The following DALRD3 variants were observed in gnomAD, a reference collection of about 807,000 sequenced individuals.
DALRD3 encodes the protein DALR anticodon binding domain containing 3, also known as DALR anticodon-binding domain-containing protein 3.
Under a neutral mutation model 56.7 loss-of-function variants are expected in DALRD3, and 47 were observed. The observed-to-expected ratio is 0.83, with a 90% CI of 0.66 to 1.06. The LOEUF (loss-of-function observed/expected upper bound fraction) is 1.06, where lower values mean the gene tolerates loss of function less well. Among genes scored for constraint, DALRD3 ranks in the 50% least tolerant of loss-of-function variants. The pLI is 0.00. For missense variants in DALRD3, 787 were observed against 724.0 expected (o/e 1.09, Z -1.00); for synonymous variants, 347 against 308.5 (o/e 1.12, Z -1.31).
chr3:49,018,640 G>A (rs2093123748), upstream of DALRD3: 1 of 1,452,534 alleles, frequency 6.9e-7, no homozygotes. Flanking sequence ...GACTAGCTGG[G>A]GCGGGGATGC....
rs779421726 is a variant in DALRD3, at chr3:49,017,283, T to G, written c.872A>C (p.Gln291Pro). The change falls in exon 5 of 12, where the codon CAA becomes CCA. Residue 291 changes from glutamine to proline, a missense_variant. Coordinates refer to ENST00000341949, the MANE Select transcript of DALRD3 (RefSeq NM_001009996.3). ...HVVSCEEEFQ[Q>P]QKLDLLWQKL... is the part of the protein sequence containing the mutation. ...CTGCCAAAGCAGGTCCAACTTCTGT[T>G]GCTGGAACTCCTCCTCACAGCTAAC... is the stretch of plus-strand genomic sequence containing the variant. 6.2e-7 allele frequency: 1 copy of G among 1,614,184 alleles called. No individual in the cohort carries two copies. The highest frequency in any genetic ancestry group is 8.5e-7 in the Non-Finnish European group (1 of 1,180,010).
At position 49,016,908 on chromosome 3, in the gene DALRD3, G is replaced by A. The variant is rs2093086291; in HGVS notation, c.928-61C>T. 2.8e-5 allele frequency: 45 copies of A among 1,595,960 alleles called. No individual in the cohort carries two copies. In the South Asian group the frequency reaches 4.8e-4, roughly 17 times the overall value. On this transcript the variant is annotated intron_variant, in intron 5 of 11. Coordinates refer to ENST00000341949, the MANE Select transcript of DALRD3 (RefSeq NM_001009996.3). ...CGCTACTCTCCAGGAAGTCCCTTGA[G>A]GAGCCCAAATCTGGTGCCTCTACTC...
upstream of DALRD3, chr3:49,018,717 C>T (rs78807522): frequency 4.6e-5 from 64 of 1,394,206 alleles, no homozygotes; most frequent in Non-Finnish European, 5.7e-5. Flanking sequence ...CGACCTACCG[C>T]CCCCAGCGCC....
chr3:49,018,691 C>T, upstream of DALRD3: 4 of 1,411,534 alleles, frequency 2.8e-6, no homozygotes, highest in Non-Finnish European at 3.7e-6. Flanking sequence ...CCAGTGGTAG[C>T]CCTGTCGGCT....
Position 49,016,339 on chromosome 3 carries a change from A to G in DALRD3, c.1148T>C (p.Leu383Pro). ...EMLSTAPQSQ[L>P]FLALADSSIS... ...ACTGCTGTCAGCCAGAGCCAGGAAGAGCTGGGGAATAGAAGCACAGCTGCA... is the reference window on the plus strand; with the variant it reads ...ACTGCTGTCAGCCAGAGCCAGGAAGGGCTGGGGAATAGAAGCACAGCTGCA... The change falls in exon 9 of 12, where the codon CTC becomes CCC. Residue 383 changes from leucine to proline, a missense_variant and splice_region_variant. By Grantham distance (98) the Leu-to-Pro change is moderately conservative. Coordinates refer to ENST00000341949, the MANE Select transcript of DALRD3 (RefSeq NM_001009996.3). 6.2e-7 allele frequency: 1 copy of G among 1,606,972 alleles called. No individual in the cohort carries two copies. Among genetic ancestry groups the G allele is most frequent in the South Asian group, 1.1e-5 (1 of 90,770 alleles).
In DALRD3 at chr3:49,018,323, G is replaced by A. The variant is rs772669975; in HGVS notation, c.166-5C>T. Reference sequence around the variant, plus strand: ...ATGGAGCAAATGCTCCGGAACCTGCGGGAGAACGGGCGTGTAAAAGAGCCA... The same window carrying A: ...ATGGAGCAAATGCTCCGGAACCTGCAGGAGAACGGGCGTGTAAAAGAGCCA... On this transcript the variant is annotated splice_polypyrimidine_tract_variant and splice_region_variant and intron_variant, in intron 1 of 11. Transcript: ENST00000341949. 18 of 1,481,074 alleles carry A rather than the reference G, an allele frequency of 1.2e-5. No individual in the cohort carries two copies. The highest frequency in any genetic ancestry group is 5.1e-5 in the East Asian group (2 of 38,852). The allele number at this position is 1,481,074 out of a possible 1,614,324, so 91.7% of individuals were successfully genotyped here.
chr3:49,018,843 G>A, upstream of DALRD3: 1 of 985,428 alleles, frequency 1.0e-6, no homozygotes, highest in Non-Finnish European at 1.2e-6. Context: ...GGATCCTCGC[G>A]ACCCGGTGGG....
chr3:49,021,484 A>G (rs2093156822), upstream of DALRD3: 1 of 154,708 alleles, frequency 6.5e-6, no homozygotes, highest in African/African-American at 2.4e-5. The surrounding 1 kb of genome is among the most constrained non-coding windows in gnomAD (Gnocchi z 4.1). Context: ...ACACTATCAC[A>G]GCTTGCCCTT....
At chr3:49,020,431 G>A (rs1016630495), upstream of DALRD3, 1 of 382,270 alleles carries the variant, frequency 2.6e-6, no homozygotes, top group African/African-American at 2.1e-5. Context: ...CTACCCAGAG[G>A]TCCTGGGTCC....
At chr3:49,018,716 G>T (rs2093124779), upstream of DALRD3, 1 of 1,396,264 alleles carries the variant, frequency 7.2e-7, no homozygotes, top group Admixed American at 3.3e-5. Context: ...TCGACCTACC[G>T]CCCCCAGCGC....
chr3:49,015,539 C>T lies in DALRD3; in HGVS notation c.*49G>A. ...TTGGCCGTGGGTTTTTGCTTTTTTTCCAGTTGATGACTTTGTGAACATTCC... is the reference window on the plus strand; with the variant it reads ...TTGGCCGTGGGTTTTTGCTTTTTTTTCAGTTGATGACTTTGTGAACATTCC... On this transcript the variant is annotated 3_prime_UTR_variant, in exon 12 of 12. Transcript: ENST00000341949. 6.3e-7 allele frequency: 1 copy of T among 1,595,596 alleles called. No homozygotes were observed. Among genetic ancestry groups the T allele is most frequent in the Admixed American group, 1.8e-5 (1 of 55,844 alleles).
At position 49,015,880 on chromosome 3, in the gene DALRD3, C is replaced by CA. The variant is rs1553731152; in HGVS notation, c.1444-9dup. ...TACCAGGAACTTGCATATCTAGAGACAGAGACTGAGTCACTGGCCCATCTC... is the reference window on the plus strand; with the variant it reads ...TACCAGGAACTTGCATATCTAGAGACAAGAGACTGAGTCACTGGCCCATCTC... On this transcript the variant is annotated splice_polypyrimidine_tract_variant and intron_variant, in intron 10 of 11. Coordinates refer to ENST00000341949, the MANE Select transcript of DALRD3 (RefSeq NM_001009996.3). 1.2e-6 allele frequency: 2 copies of CA among 1,614,186 alleles called. No homozygotes were observed. The highest frequency in any genetic ancestry group is 3.3e-5 in the Admixed American group (2 of 60,024).
In DALRD3 at chr3:49,017,887, C is replaced by T; in HGVS notation, c.462-18G>A. On this transcript the variant is annotated intron_variant, in intron 2 of 11. Coordinates refer to ENST00000341949, the MANE Select transcript of DALRD3 (RefSeq NM_001009996.3). Reference sequence around the variant, plus strand: ...CGCACACCCTGCGAAGGGAGGGCGGCCGCCTCAGTCTGAGCACCTGGTCCA... The same window carrying T: ...CGCACACCCTGCGAAGGGAGGGCGGTCGCCTCAGTCTGAGCACCTGGTCCA... 6.3e-7 allele frequency: 1 copy of T among 1,584,560 alleles called. No individual in the cohort carries two copies. The highest frequency in any genetic ancestry group is 8.5e-7 in the Non-Finnish European group (1 of 1,172,648).
chr3:49,017,555 G>A (rs558459260), intron 3 of DALRD3, 42 bp from the exon 4 acceptor site: 2 of 1,614,162 alleles, frequency 1.2e-6, no homozygotes, highest in East Asian at 2.2e-5. Context: ...ACAAGAAGCA[G>A]AGATGTGCCC....
chr3:49,016,485 C>T lies in DALRD3; in HGVS notation c.1090G>A (p.Val364Ile), dbSNP rs145394428. ...QDPAWTEIFG[V>I]LSVATIKFEM... ...AACTTGATGGTGGCCACAGAGAGAA[C>T]ACCAAAGATCTCTGTCCAGGCTGGG... is the stretch of plus-strand genomic sequence containing the variant. Residue 364 changes from valine to isoleucine, a missense_variant, in exon 8 of 12, where the codon GTT becomes ATT. Coordinates refer to ENST00000341949, the MANE Select transcript of DALRD3 (RefSeq NM_001009996.3). The T allele has an allele frequency of 1.4e-3, 2,216 of 1,614,076 alleles. 17 individuals carry two copies. The highest frequency in any genetic ancestry group is 5.2e-3 in the East Asian group (234 of 44,888).
intron 5 of DALRD3, 131 bp from the exon 6 acceptor site, chr3:49,016,978 G>A (rs757345522): frequency 1.9e-5 from 21 of 1,102,554 alleles, no homozygotes; most frequent in East Asian, 5.1e-5. Flanking sequence ...GAGTGCCTCC[G>A]TCTACCCAGC....
In DALRD3 at chr3:49,015,886, C is replaced by CTGAGTCACTG; in HGVS notation, c.1444-24_1444-15dup. The CTGAGTCACTG allele has an allele frequency of 6.2e-7, 1 of 1,614,220 alleles. No individual in the cohort carries two copies. The highest frequency in any genetic ancestry group is 1.1e-5 in the South Asian group (1 of 91,088). On this transcript the variant is annotated splice_polypyrimidine_tract_variant and intron_variant, in intron 10 of 11. Coordinates refer to ENST00000341949, the MANE Select transcript of DALRD3 (RefSeq NM_001009996.3). ...GAACTTGCATATCTAGAGACAGAGA[C>CTGAGTCACTG]TGAGTCACTGGCCCATCTCTTTGCT...
chr3:49,018,643 G>C, upstream of DALRD3: 2 of 1,449,732 alleles, frequency 1.4e-6, no homozygotes. Flanking sequence ...TAGCTGGGGC[G>C]GGGATGCGGC....
chr3:49,018,772 T>C (rs2093125353), upstream of DALRD3: 2 of 985,262 alleles, frequency 2.0e-6, no homozygotes, highest in African/African-American at 1.7e-5. Context: ...GGATCTGAAA[T>C]CTCGGGGCCC....
Sources: allele counts gnomAD v4.1 joint callset, GRCh38; gene constraint gnomAD v4.1.1; non-coding constraint Gnocchi (gnomAD v3.1); transcripts MANE v1.5; gene names NCBI Gene and HGNC (gene_info 2026-07-23, HGNC 2026-07-21).